CLCF1: variants seen among roughly 807,000 people sequenced by gnomAD.
CLCF1 encodes the protein cardiotrophin-like cytokine factor 1.
Under a neutral mutation model 21.2 loss-of-function variants are expected in CLCF1, and 10 were observed. The ratio of observed to expected loss-of-function variants is 0.47; its 90% CI spans 0.29 to 0.80. CLCF1 has a LOEUF of 0.80. Among genes scored for constraint, CLCF1 ranks in the 30% least tolerant of loss-of-function variants. CLCF1 has a pLI of 0.09. For synonymous variants in CLCF1, 115 were observed against 120.5 expected (o/e 0.95, Z 0.30); for missense variants, 240 against 293.4 (o/e 0.82, Z 1.33).
rs1267840354 is a variant in CLCF1 at position 67,372,837 on chromosome 11, G to T, written c.16+687C>A. 6.7e-6 allele frequency among the ~76,000 whole-genome samples: 1 copy of T among 149,832 alleles called. No homozygotes were observed. Among genetic ancestry groups the T allele is most frequent in the South Asian group, 2.1e-4 (1 of 4,808 alleles). On this transcript the variant is annotated intron_variant, in intron 1 of 2. Coordinates refer to ENST00000312438, the MANE Select transcript of CLCF1 (RefSeq NM_013246.3). The surrounding 1 kb of genome is among the most constrained non-coding windows in gnomAD (Gnocchi z 5.9). Reference sequence around the variant, plus strand: ...ACTCCCAGGCCACGGTGGCCCGGGGGACTCGCGGCCGCCGCCCGCCGCCCC... The same window carrying T: ...ACTCCCAGGCCACGGTGGCCCGGGGTACTCGCGGCCGCCGCCCGCCGCCCC...
Position 67,373,568 on chromosome 11 carries a change from G to A in CLCF1, c.-29C>T. 1 of 1,366,736 alleles carries A rather than the reference G, an allele frequency of 7.3e-7. No individual in the cohort carries two copies. Among genetic ancestry groups the A allele is most frequent in the Non-Finnish European group, 9.4e-7 (1 of 1,059,532 alleles). The allele number at this position is 1,366,736 out of a possible 1,614,324, so 84.7% of individuals were successfully genotyped here. On this transcript the variant is annotated 5_prime_UTR_variant, in exon 1 of 3. Transcript: ENST00000312438. ...GCTGGGGCCGGGCCGGCCGGGTGCGGCTCCTCTCCCGGAGGCTGGCGGAGT... is the reference window on the plus strand; with the variant it reads ...GCTGGGGCCGGGCCGGCCGGGTGCGACTCCTCTCCCGGAGGCTGGCGGAGT...
chr11:67,370,373 TC>T, intron 1 of CLCF1: 5 of 983,964 alleles, frequency 5.1e-6, no homozygotes, highest in Non-Finnish European at 6.0e-6. Context: ...GTGTCCTAGG[TC>T]CCCCTCTCCC....
chr11:67,367,445 A>C lies in CLCF1; in HGVS notation c.183+15T>G, dbSNP rs1186255158. ...ACTCCTCCCCAACTCCCAGATTCCT[A>C]CGCTGGATACTCACATAGGTCCCAG... is the stretch of plus-strand genomic sequence containing the variant. On this transcript the variant is annotated intron_variant, in intron 2 of 2. Coordinates refer to ENST00000312438, the MANE Select transcript of CLCF1 (RefSeq NM_013246.3). 4.3e-6 allele frequency: 7 copies of C among 1,614,108 alleles called. No homozygotes were observed. The highest frequency in any genetic ancestry group is 1.1e-5 in the South Asian group (1 of 91,082).
Position 67,365,142 on chromosome 11 carries a change from G to A in CLCF1, c.672C>T (p.Gly224=). ...AAGAGGAGAAGGTCAGAAGTCAGAAGCCATGAGCCCCCAGGTGCAGGGTGA... is the reference window on the plus strand; with the variant it reads ...AAGAGGAGAAGGTCAGAAGTCAGAAACCATGAGCCCCCAGGTGCAGGGTGA... ...AAVTLHLGAH[G]F Residue 224 remains glycine, a synonymous_variant, in exon 3 of 3, where the codon GGC becomes GGT. Transcript: ENST00000312438. This position sits in a 1 kb window ranked among gnomAD's most constrained non-coding sequence, Gnocchi z 5.0. The A allele has an allele frequency of 6.2e-7, 1 of 1,613,866 alleles. No individual in the cohort carries two copies. The highest frequency in any genetic ancestry group is 8.5e-7 in the Non-Finnish European group (1 of 1,180,034).
At chr11:67,373,843 G>T (rs1177091290), upstream of CLCF1, 1 of 1,005,578 alleles carries the variant, frequency 9.9e-7, no homozygotes, top group Non-Finnish European at 1.3e-6. Flanking sequence ...ACAGCACCGA[G>T]GGGGGGTGAG....
chr11:67,369,538 C>T (rs1318361789), intron 1 of CLCF1: 1 of 985,286 alleles, frequency 1.0e-6, no homozygotes, highest in Non-Finnish European at 1.2e-6. Context: ...AACTCCAAGC[C>T]TAGGGATCTG....
Position 67,364,470 on chromosome 11 carries a change from C to T in CLCF1, c.*666G>A, listed in dbSNP as rs1862058109. ...CGTAATACTGGAAGACAATTCGAGGCAAGGTCCTGATGCTCAGCTCGGGTT... is the reference window on the plus strand; with the variant it reads ...CGTAATACTGGAAGACAATTCGAGGTAAGGTCCTGATGCTCAGCTCGGGTT... On this transcript the variant is annotated 3_prime_UTR_variant, in exon 3 of 3. Transcript: ENST00000312438. The T allele has an allele frequency of 6.5e-6, 1 of 152,676 alleles. No homozygotes were observed. The highest frequency in any genetic ancestry group is 2.4e-5 in the African/African-American group (1 of 41,418). The allele number at this position is 152,676 out of a possible 1,614,324, so 9.5% of individuals were successfully genotyped here. A position where few individuals can be genotyped will look rare whatever the true frequency, so the allele number is the denominator to read the frequency against.
chr11:67,366,842 G>A (rs763245041), intron 2 of CLCF1, among the ~76,000 whole-genome samples: 4 of 152,026 alleles, frequency 2.6e-5, no homozygotes, highest in Admixed American at 6.5e-5. Context: ...CATGGTCCTC[G>A]GCTCCTCCAA....
Position 67,369,284 on chromosome 11 carries a change from TG to T in CLCF1, c.17-1659del, listed in dbSNP as rs1187974213. 3 of 985,198 alleles carry T rather than the reference TG, an allele frequency of 3.0e-6. No individual in the cohort carries two copies. The African/African-American group carries it at 5.2e-5, about 17-fold the overall frequency. The allele number at this position is 985,198 out of a possible 1,614,324, so 61.0% of individuals were successfully genotyped here. On this transcript the variant is annotated intron_variant, in intron 1 of 2. Transcript: ENST00000312438. The stretch of plus-strand genomic sequence containing the variant: ...CGGCTTTACTAAGGGAGCGTGGCGG[TG>T]GGGTACCACAAGTCACAGGGTCTTG...
rs373702399 is a variant in CLCF1, at chr11:67,365,673, C to T, written c.184-43G>A. On this transcript the variant is annotated intron_variant, in intron 2 of 2. Transcript: ENST00000312438. The surrounding 1 kb of genome is among the most constrained non-coding windows in gnomAD (Gnocchi z 5.0). ...TGATGGGGAAGGAGGAGGGCAGAGC[C>T]GCTGGCTCACCACCAAGGAGATACC... 30 of 1,564,656 alleles carry T rather than the reference C, an allele frequency of 1.9e-5. No homozygotes were observed. The South Asian group carries it at 2.0e-4, about 11-fold the overall frequency.
In CLCF1 at chr11:67,369,762, G is replaced by GCT. The variant is rs1219687400; in HGVS notation, c.17-2138_17-2137dup. The stretch of plus-strand genomic sequence containing the variant: ...ACCCACATGCTGGCCGGAGTTCTAG[G>GCT]CTCTGCCTTTGTCATGGCCAAGAGG... On this transcript the variant is annotated intron_variant, in intron 1 of 2. Coordinates refer to ENST00000312438, the MANE Select transcript of CLCF1 (RefSeq NM_013246.3). 7.1e-6 allele frequency: 7 copies of GCT among 985,334 alleles called. No individual in the cohort carries two copies. In the African/African-American group the frequency reaches 1.0e-4, roughly 15 times the overall value. 61.0% of individuals were successfully genotyped at this position (985,334 alleles called of 1,614,324 possible).
chr11:67,372,592 T>TCCCGCC lies in CLCF1; in HGVS notation c.16+926_16+931dup, dbSNP rs1253465509. Among the ~76,000 whole-genome samples, 6 of 145,496 alleles carry TCCCGCC rather than the reference T, an allele frequency of 4.1e-5. No individual in the cohort carries two copies. The highest frequency in any genetic ancestry group is 9.1e-5 in the Non-Finnish European group (6 of 65,916). On this transcript the variant is annotated intron_variant, in intron 1 of 2. Transcript: ENST00000312438. The surrounding 1 kb of genome is among the most constrained non-coding windows in gnomAD (Gnocchi z 5.9). The stretch of plus-strand genomic sequence containing the variant: ...CGCCCCCGGCCCCGCCCCCTCCCGC[T>TCCCGCC]CCCGCCCGGTCGCTCCTTCCCCGCG...
At chr11:67,369,507 C>T (rs1228779301) in intron 1 of CLCF1, 1 of 985,330 alleles carries the variant, frequency 1.0e-6, no homozygotes, top group South Asian at 4.7e-5. Context: ...TTTCTCCTCC[C>T]TGCTCCTCAC....
intron 1 of CLCF1, chr11:67,368,122 G>A (rs1166852840): frequency 2.0e-6 from 2 of 985,300 alleles, no homozygotes; most frequent in Non-Finnish European, 2.4e-6. Flanking sequence ...GGAGGAAGCA[G>A]GAGAGAGGCG....
chr11:67,366,950 A>T (rs1862112905), intron 2 of CLCF1, among the ~76,000 whole-genome samples: 1 of 151,868 alleles, frequency 6.6e-6, no homozygotes, highest in Admixed American at 6.5e-5. Context: ...CCCTGCCACT[A>T]CTGCCTGGGT....
chr11:67,372,104 C>G lies in CLCF1; in HGVS notation c.16+1420G>C, dbSNP rs1305372424. On this transcript the variant is annotated intron_variant, in intron 1 of 2. Transcript: ENST00000312438. This position sits in a 1 kb window ranked among gnomAD's most constrained non-coding sequence, Gnocchi z 5.9. ...GTGAGGGGCAACGTGTGCTCCCGAG[C>G]TGTGGCGGAGGTCAGTCGGGGTCAG... Among the ~76,000 whole-genome samples, 1 of 152,128 alleles carries G rather than the reference C, an allele frequency of 6.6e-6. No individual in the cohort carries two copies. Among genetic ancestry groups the G allele is most frequent in the Non-Finnish European group, 1.5e-5 (1 of 67,996 alleles).
upstream of CLCF1, chr11:67,374,004 G>GC: frequency 1.2e-6 from 1 of 845,106 alleles, no homozygotes; most frequent in Non-Finnish European, 1.3e-6. Context: ...ACCGCCCCCT[G>GC]CCCCCTGTCC....
chr11:67,365,111 G>C lies in CLCF1; in HGVS notation c.*25C>G. 1 of 1,613,170 alleles carries C rather than the reference G, an allele frequency of 6.2e-7. No homozygotes were observed. The highest frequency in any genetic ancestry group is 8.5e-7 in the Non-Finnish European group (1 of 1,179,980). On this transcript the variant is annotated 3_prime_UTR_variant, in exon 3 of 3. Transcript: ENST00000312438. The surrounding 1 kb of genome is among the most constrained non-coding windows in gnomAD (Gnocchi z 5.0). ...CAAAGTGGGAGCAGGGTTTGAAGGG[G>C]GAGCGAAGAGGAGAAGGTCAGAAGT...
intron 1 of CLCF1, chr11:67,370,477 G>A (rs2134893752): frequency 1.0e-6 from 1 of 983,490 alleles, no homozygotes; most frequent in Admixed American, 6.2e-5. Flanking sequence ...TCTTCTCTGT[G>A]TGTTTATAAA....
Sources: allele counts gnomAD v4.1 joint callset (sites outside exome capture counted in the v4.1 genomes callset), GRCh38; gene constraint gnomAD v4.1.1; non-coding constraint Gnocchi (gnomAD v3.1); transcripts MANE v1.5; gene names NCBI Gene and HGNC (gene_info 2026-07-23, HGNC 2026-07-21).